Variants in BCLAF1 observed in about 807,000 individuals in gnomAD.
The protein encoded by BCLAF1 is bcl-2-associated transcription factor 1.
BCLAF1 carries 10 observed loss-of-function variants against 99.5 expected under a neutral mutation model. The ratio of observed to expected loss-of-function variants is 0.10; its 90% CI spans 0.06 to 0.17. The LOEUF is 0.17. BCLAF1 is among the 10% of genes least tolerant of loss of function. The probability of loss-of-function intolerance (pLI) is 1.00; values close to 1 mark genes in which losing one functional copy is unlikely to be tolerated. For missense variants in BCLAF1, 636 were observed against 1,105.8 expected, an observed-to-expected ratio of 0.58 and a Z score of 6.02; for synonymous variants, 255 against 370.9, an observed-to-expected ratio of 0.69 and a Z score of 3.59.
rs1360589318 is a variant in BCLAF1 at position 136,269,920 on chromosome 6, TA to T, written c.2044-309del. On this transcript the variant is annotated intron_variant, in intron 8 of 12. Transcript: ENST00000531224. ...ATTTTTGTACAGTAAATGATACAAA[TA>T]TTTTTTCCACTCAGCACATCCTTAT... The T allele has an allele frequency of 5.4e-5, 11 of 203,332 alleles. No homozygotes were observed. In the East Asian group the frequency reaches 1.1e-3, roughly 20 times the overall value. 12.6% of individuals were successfully genotyped at this position (203,332 alleles called of 1,614,324 possible). A position where few individuals can be genotyped will look rare whatever the true frequency, so the allele number is the denominator to read the frequency against.
At position 136,272,454 on chromosome 6, in the gene BCLAF1, G is replaced by C. The variant is rs976705702; in HGVS notation, c.1959-375C>G. 2.6e-5 allele frequency among the ~76,000 whole-genome samples: 4 copies of C among 151,952 alleles called. No individual in the cohort carries two copies. In the South Asian group the frequency reaches 8.3e-4, roughly 31 times the overall value. ...TTTTTAGATATTCAGTGCCCCTTTAGTTTTATTCTGCACCTTTCCTTTCTA... is the reference window on the plus strand; with the variant it reads ...TTTTTAGATATTCAGTGCCCCTTTACTTTTATTCTGCACCTTTCCTTTCTA... On this transcript the variant is annotated intron_variant, in intron 7 of 12. Coordinates refer to ENST00000531224, the MANE Select transcript of BCLAF1 (RefSeq NM_014739.3).
rs538402338 is a variant in BCLAF1 at position 136,258,661 on chromosome 6, T to C, written c.*2449A>G. The C allele has an allele frequency of 6.6e-6, 1 of 152,516 alleles. No individual in the cohort carries two copies. Among genetic ancestry groups the C allele is most frequent in the South Asian group, 2.1e-4 (1 of 4,832 alleles). 9.4% of individuals were successfully genotyped at this position (152,516 alleles called of 1,614,324 possible). ...TTGCATCATTATACATCACACTGAG[T>C]AAGAATCGTTTAGCCATCTACATTC... On this transcript the variant is annotated 3_prime_UTR_variant, in exon 13 of 13. Coordinates refer to ENST00000531224, the MANE Select transcript of BCLAF1 (RefSeq NM_014739.3).
chr6:136,273,904 T>A, intron 6 of BCLAF1: 1 of 994,676 alleles, frequency 1.0e-6, no homozygotes, highest in Non-Finnish European at 1.3e-6. Context: ...CTATGAAATG[T>A]CACATTATGA....
Position 136,257,452 on chromosome 6 carries a change from AG to A in BCLAF1, c.*3657del, listed in dbSNP as rs1162925905. The A allele has an allele frequency of 6.6e-6, 1 of 152,194 alleles. No homozygotes were observed. Among genetic ancestry groups the A allele is most frequent in the Non-Finnish European group, 1.5e-5 (1 of 68,014 alleles). 9.4% of individuals were successfully genotyped at this position (152,194 alleles called of 1,614,324 possible). A position where few individuals can be genotyped will look rare whatever the true frequency, so the allele number is the denominator to read the frequency against. On this transcript the variant is annotated 3_prime_UTR_variant, in exon 13 of 13. Coordinates refer to ENST00000531224, the MANE Select transcript of BCLAF1 (RefSeq NM_014739.3). Reference sequence around the variant, plus strand: ...CATTACTGCATGTTTCTAAAACAATAGGAGTCCAGCTCATAAATCAACACAA... The same window carrying A: ...CATTACTGCATGTTTCTAAAACAATAGAGTCCAGCTCATAAATCAACACAA...
At chr6:136,263,934 A>G (rs867699771) in intron 11 of BCLAF1, among the ~76,000 whole-genome samples, 3 of 152,248 alleles carry the variant, frequency 2.0e-5, no homozygotes, top group African/African-American at 7.2e-5. Flanking sequence ...AATGCAACAA[A>G]GATTACTATA....
Position 136,260,646 on chromosome 6 carries a change from G to C in BCLAF1, c.*464C>G, listed in dbSNP as rs984336209. The stretch of plus-strand genomic sequence containing the variant: ...ATACTTCAAAAATCAGTCACCCTAC[G>C]ATGTAGTGTGTTCAAATTAAACAGA... On this transcript the variant is annotated 3_prime_UTR_variant, in exon 13 of 13. Transcript: ENST00000531224. 1 of 165,456 alleles carries C rather than the reference G, an allele frequency of 6.0e-6. No homozygotes were observed. Among genetic ancestry groups the C allele is most frequent in the African/African-American group, 2.4e-5 (1 of 42,030 alleles). The allele number at this position is 165,456 out of a possible 1,614,324, so 10.2% of individuals were successfully genotyped here. A position where few individuals can be genotyped will look rare whatever the true frequency, so the allele number is the denominator to read the frequency against.
chr6:136,276,825 T>G (rs538010807), intron 4 of BCLAF1, among the ~76,000 whole-genome samples: 11 of 152,294 alleles, frequency 7.2e-5, no homozygotes, highest in Non-Finnish European at 1.3e-4. Context: ...AATTTAATTT[T>G]TGAAACTAAG....
At position 136,256,633 on chromosome 6, in the gene BCLAF1, G is replaced by C. The variant is rs922419139; in HGVS notation, c.*4477C>G. The C allele has an allele frequency of 6.4e-6, 1 of 156,484 alleles. No homozygotes were observed. Among genetic ancestry groups the C allele is most frequent in the African/African-American group, 2.4e-5 (1 of 41,322 alleles). 9.7% of individuals were successfully genotyped at this position (156,484 alleles called of 1,614,324 possible). A position where few individuals can be genotyped will look rare whatever the true frequency, so the allele number is the denominator to read the frequency against. ...GCGGAGGTTGCAGTGAGCCGAGCTCGAGCCACTGCACTCTAGTCTGGGTAA... is the reference window on the plus strand; with the variant it reads ...GCGGAGGTTGCAGTGAGCCGAGCTCCAGCCACTGCACTCTAGTCTGGGTAA... On this transcript the variant is annotated 3_prime_UTR_variant, in exon 13 of 13. Transcript: ENST00000531224.
chr6:136,273,060 G>T, intron 7 of BCLAF1, 22 bp downstream of exon 7: 2 of 1,560,352 alleles, frequency 1.3e-6, no homozygotes, highest in Non-Finnish European at 1.7e-6. Context: ...GTTTTTATAT[G>T]CCAGTTCAGC....
At chr6:136,288,880 C>T (rs1785532488) in intron 1 of BCLAF1, among the ~76,000 whole-genome samples, 1 of 152,206 alleles carries the variant, frequency 6.6e-6, no homozygotes, top group South Asian at 2.1e-4. Flanking sequence ...CTTGAAAAGA[C>T]TCGGCTTCGC....
intron 8 of BCLAF1, among the ~76,000 whole-genome samples, chr6:136,271,759 T>C (rs1006195207): frequency 1.4e-5 from 2 of 143,436 alleles, no homozygotes; most frequent in African/African-American, 2.9e-5. Flanking sequence ...CTTAGGACTA[T>C]TTTTTTTCCT....
At chr6:136,262,558 A>G (rs1781156111) in intron 11 of BCLAF1, among the ~76,000 whole-genome samples, 1 of 152,174 alleles carries the variant, frequency 6.6e-6, no homozygotes, top group African/African-American at 2.4e-5. Context: ...GGTAACTAAC[A>G]GACCATATGA....
intron 2 of BCLAF1, among the ~76,000 whole-genome samples, chr6:136,282,291 T>C (rs904433781): frequency 3.9e-5 from 6 of 152,120 alleles, no homozygotes; most frequent in Non-Finnish European, 5.9e-5. Context: ...TTGTTTACAT[T>C]AGGGAAATGG....
intron 8 of BCLAF1, among the ~76,000 whole-genome samples, chr6:136,271,379 AAG>A (rs1053222436): frequency 4.0e-5 from 6 of 151,822 alleles, no homozygotes; most frequent in African/African-American, 1.4e-4. Context: ...TTGAATTGTC[AAG>A]AGTATATTGG....
In BCLAF1 at chr6:136,260,078, A is replaced by C. The variant is rs1317540559; in HGVS notation, c.*1032T>G. ...CCAAAACTTTTATTGGTGACATTTG[A>C]AAAACAATTTTTTTAAAATACTATT... On this transcript the variant is annotated 3_prime_UTR_variant, in exon 13 of 13. Transcript: ENST00000531224. 1 of 152,072 alleles carries C rather than the reference A, an allele frequency of 6.6e-6. No homozygotes were observed. The highest frequency in any genetic ancestry group is 2.4e-5 in the African/African-American group (1 of 41,440). The allele number at this position is 152,072 out of a possible 1,614,324, so 9.4% of individuals were successfully genotyped here.
rs771191424 is a variant in BCLAF1 at position 136,268,320 on chromosome 6, C to A, written c.2239G>T (p.Asp747Tyr). ...GAAGAGGATGAAGATCGAGAATGAT[C>A]TTGCTCTCTTTTATGTTTACTGCAA... Reference protein sequence around the residue: ...KDDSKHKREQDHSRSSSSSAS... With the variant: ...KDDSKHKREQYHSRSSSSSAS... The change falls in exon 10 of 13, where the codon GAT (aspartate) becomes TAT (tyrosine). Residue 747 changes from aspartate (D) to tyrosine (Y), a missense_variant. Around this residue, in one of 9 missense-constraint regions of BCLAF1, gnomAD observed 180 missense variants for 270.0 expected, o/e 0.67. Coordinates refer to ENST00000531224, the MANE Select transcript of BCLAF1 (RefSeq NM_014739.3). 2 of 1,603,454 alleles carry A rather than the reference C, an allele frequency of 1.2e-6. No individual in the cohort carries two copies. The highest frequency in any genetic ancestry group is 1.7e-6 in the Non-Finnish European group (2 of 1,176,312).
intron 1 of BCLAF1, among the ~76,000 whole-genome samples, chr6:136,284,130 G>GTATGTGTA (rs1554220651): frequency 8.2e-6 from 1 of 122,120 alleles, no homozygotes; most frequent in Admixed American, 7.9e-5. Flanking sequence ...GTGTGTGTGT[G>GTATGTGTA]TATATATATA....
In BCLAF1 at chr6:136,260,892, T is replaced by C; in HGVS notation, c.*218A>G. 1 of 510,972 alleles carries C rather than the reference T, an allele frequency of 2.0e-6. No individual in the cohort carries two copies. Among genetic ancestry groups the C allele is most frequent in the South Asian group, 4.2e-5 (1 of 24,078 alleles). 31.7% of individuals were successfully genotyped at this position (510,972 alleles called of 1,614,324 possible). A position where few individuals can be genotyped will look rare whatever the true frequency, so the allele number is the denominator to read the frequency against. ...AGTTTTAAAAGTTGATAGTTACAAA[T>C]ATGGTACGTAACAATTTTCTACTTT... On this transcript the variant is annotated 3_prime_UTR_variant, in exon 13 of 13. Transcript: ENST00000531224.
chr6:136,289,570 A>G (rs1785689835), intron 1 of BCLAF1, 143 bp downstream of exon 1: 1 of 152,194 alleles, frequency 6.6e-6, no homozygotes, highest in Non-Finnish European at 1.5e-5. Context: ...GAAGCTAACG[A>G]AAAAACGCAT....
Sources: allele counts gnomAD v4.1 joint callset (sites outside exome capture counted in the v4.1 genomes callset), GRCh38; gene constraint gnomAD v4.1.1; regional missense constraint gnomAD v4.1.1; transcripts MANE v1.5; gene names NCBI Gene and HGNC (gene_info 2026-07-23, HGNC 2026-07-21).